Variants in SOS1 observed in about 807,000 individuals in gnomAD.
SOS1 encodes the protein SOS Ras/Rac guanine nucleotide exchange factor 1.
A neutral mutation model predicts 157.6 loss-of-function variants in SOS1; 25 were observed. The observed-to-expected ratio is 0.16, with a 90% CI of 0.12 to 0.22. The LOEUF is 0.22. SOS1 is among the 10% of genes least tolerant of loss of function. The pLI, the probability that SOS1 is intolerant of heterozygous loss-of-function variation, is 1.00. For missense variants in SOS1, 1,237 were observed against 1,599.1 expected, an observed-to-expected ratio of 0.77 and a Z score of 3.86; for synonymous variants, 528 against 534.0, an observed-to-expected ratio of 0.99 and a Z score of 0.16.
chr2:39,019,125 T>A (rs1669716745), intron 10 of SOS1, among the ~76,000 whole-genome samples: 1 of 151,734 alleles, frequency 6.6e-6, no homozygotes, highest in South Asian at 2.1e-4. Flanking sequence ...CTGGCTTAAG[T>A]TTTTTCAATA....
At chr2:38,996,205 TCAGCCTCCCAAGTGGCTGGGACTA>T (rs1668885224) in intron 19 of SOS1, among the ~76,000 whole-genome samples, 1 of 152,170 alleles carries the variant, frequency 6.6e-6, no homozygotes, top group Non-Finnish European at 1.5e-5. Context: ...TTCTTCTGCC[TCAGCCTCCCAAGTGGCTGGGACTA>T]CAGGCTCCCG....
chr2:39,005,514 AGATAT>A (rs1221782914), intron 17 of SOS1, among the ~76,000 whole-genome samples: 4 of 152,148 alleles, frequency 2.6e-5, no homozygotes, highest in East Asian at 1.9e-4. Flanking sequence ...CAAAAATATA[AGATAT>A]GATAAGTGAA....
intron 2 of SOS1, among the ~76,000 whole-genome samples, chr2:39,059,637 C>T (rs1223034581): frequency 6.6e-6 from 1 of 151,982 alleles, no homozygotes; most frequent in African/African-American, 2.4e-5. Flanking sequence ...TGAAATTAAA[C>T]ATCATCATAA....
intron 15 of SOS1, among the ~76,000 whole-genome samples, chr2:39,008,958 TGGGGGTGGGGCGGA>T (rs1243477716): frequency 4.3e-4 from 3 of 7,044 alleles, no homozygotes; most frequent in Admixed American, 1.9e-3. Flanking sequence ...TTACAAGGGG[TGGGGGTGGGGCGGA>T]GGGGGTGGAA....
chr2:39,066,834 A>G (rs1671603913), intron 2 of SOS1, among the ~76,000 whole-genome samples: 1 of 152,202 alleles, frequency 6.6e-6, no homozygotes, highest in South Asian at 2.1e-4. Context: ...ATCTTTTTGG[A>G]ATGTTAGCTG....
At chr2:38,997,948 G>C (rs558928220) in intron 17 of SOS1, among the ~76,000 whole-genome samples, 1 of 152,282 alleles carries the variant, frequency 6.6e-6, no homozygotes, top group South Asian at 2.1e-4. Context: ...CACACAAGAG[G>C]TTGTTATGAT....
chr2:39,048,997 A>G (rs1670898007), intron 6 of SOS1, among the ~76,000 whole-genome samples: 1 of 152,152 alleles, frequency 6.6e-6, no homozygotes, highest in South Asian at 2.1e-4. Context: ...GGCTCACTGC[A>G]GTCTCCACCT....
Position 39,120,551 on chromosome 2 carries a change from C to T in SOS1, c.-129G>A. On this transcript the variant is annotated 5_prime_UTR_variant, in exon 1 of 23. Transcript: ENST00000402219. ...CGGACGGCCCGGCCCCCTCCGGGCG[C>T]CGCGCAGCCGGGCTAGCCCTGGCGA... 9.6e-7 allele frequency: 1 copy of T among 1,046,768 alleles called. No individual in the cohort carries two copies. Among genetic ancestry groups the T allele is most frequent in the Non-Finnish European group, 1.2e-6 (1 of 866,948 alleles). 64.8% of individuals were successfully genotyped at this position (1,046,768 alleles called of 1,614,324 possible). A position where few individuals can be genotyped will look rare whatever the true frequency, so the allele number is the denominator to read the frequency against.
intron 1 of SOS1, among the ~76,000 whole-genome samples, chr2:39,085,445 T>C (rs780337004): frequency 9.2e-5 from 14 of 152,258 alleles, no homozygotes; most frequent in South Asian, 2.1e-4. Context: ...CTGTCTATCA[T>C]TGGCAGTCTT....
chr2:39,043,871 G>A (rs1402665122), intron 6 of SOS1, among the ~76,000 whole-genome samples: 1 of 152,156 alleles, frequency 6.6e-6, no homozygotes, highest in Non-Finnish European at 1.5e-5. Flanking sequence ...CATAAAATAT[G>A]GGGACACATT....
chr2:39,041,007 C>G (rs1331133268), intron 6 of SOS1, among the ~76,000 whole-genome samples: 1 of 152,168 alleles, frequency 6.6e-6, no homozygotes, highest in African/African-American at 2.4e-5. Context: ...ACACTTGTTA[C>G]TTTCCCTTTA....
intron 1 of SOS1, among the ~76,000 whole-genome samples, chr2:39,075,349 G>A (rs932461991): frequency 1.3e-5 from 2 of 152,148 alleles, no homozygotes; most frequent in African/African-American, 4.8e-5. Context: ...GGAAAGATAA[G>A]AAATTCAAGT....
chr2:39,112,071 C>T (rs1369273362), intron 1 of SOS1, among the ~76,000 whole-genome samples: 1 of 152,154 alleles, frequency 6.6e-6, no homozygotes, highest in Admixed American at 6.5e-5. Flanking sequence ...CTATCCTTCT[C>T]TTCTAACTCA....
Position 39,040,226 on chromosome 2 carries a change from C to T in SOS1, c.865-4726G>A, listed in dbSNP as rs1304981771. ...TAGAGATGGCGTTTCACCGTGTTAGCCAGGATGGTCTCGATCTCCTGACCT... is the reference window on the plus strand; with the variant it reads ...TAGAGATGGCGTTTCACCGTGTTAGTCAGGATGGTCTCGATCTCCTGACCT... On this transcript the variant is annotated intron_variant, in intron 6 of 22. Transcript: ENST00000402219. Among the ~76,000 whole-genome samples, 3 of 151,902 alleles carry T rather than the reference C, an allele frequency of 2.0e-5. No homozygotes were observed. The East Asian group carries it at 5.8e-4, about 29-fold the overall frequency.
intron 2 of SOS1, among the ~76,000 whole-genome samples, chr2:39,062,994 T>G (rs1671462370): frequency 6.6e-6 from 1 of 152,162 alleles, no homozygotes; most frequent in Non-Finnish European, 1.5e-5. Flanking sequence ...AAAATATATA[T>G]AATACAGTTG....
chr2:39,036,193 G>A (rs1189463397), intron 6 of SOS1, among the ~76,000 whole-genome samples: 1 of 150,738 alleles, frequency 6.6e-6, no homozygotes, highest in Non-Finnish European at 1.5e-5. Context: ...TTATGAAAAT[G>A]GTGCTCTAGA....
In SOS1 at chr2:38,984,577, T is replaced by A. The variant is rs1668497156; in HGVS notation, c.*1247A>T. 6.6e-6 allele frequency: 1 copy of A among 152,188 alleles called. No homozygotes were observed. The highest frequency in any genetic ancestry group is 1.5e-5 in the Non-Finnish European group (1 of 68,024). The allele number at this position is 152,188 out of a possible 1,614,324, so 9.4% of individuals were successfully genotyped here. ...CTATATGCCAAGCTGTGACTTTAGA[T>A]CATTCTTTAAGATTAATACATATAT... On this transcript the variant is annotated 3_prime_UTR_variant, in exon 23 of 23. Coordinates refer to ENST00000402219, the MANE Select transcript of SOS1 (RefSeq NM_005633.4).
At chr2:39,006,376 C>T in intron 17 of SOS1, 36 bp downstream of exon 17, 1 of 973,670 alleles carries the variant, frequency 1.0e-6, no homozygotes, top group Non-Finnish European at 1.7e-6. Context: ...TTGTTTTATC[C>T]AGAAATGCAA....
intron 1 of SOS1, among the ~76,000 whole-genome samples, chr2:39,094,860 C>T (rs1156624147): frequency 6.6e-6 from 1 of 152,120 alleles, no homozygotes; most frequent in Non-Finnish European, 1.5e-5. Context: ...TATAAGGATA[C>T]ATTGCTACTT....
Sources: allele counts gnomAD v4.1 joint callset (sites outside exome capture counted in the v4.1 genomes callset), GRCh38; gene constraint gnomAD v4.1.1; transcripts MANE v1.5; gene names NCBI Gene and HGNC (gene_info 2026-07-23, HGNC 2026-07-21).